LPCAT3: variants seen among roughly 807,000 people sequenced by gnomAD.
LPCAT3 encodes the protein lysophosphatidylcholine acyltransferase 3, also known as lysophospholipid acyltransferase 5.
In LPCAT3, 21 loss-of-function variants were observed where a neutral mutation model predicts 63.4. The ratio of observed to expected loss-of-function variants is 0.33; its 90% CI spans 0.23 to 0.48. LPCAT3 has a LOEUF of 0.48. LPCAT3 is among the 20% of genes least tolerant of loss of function. LPCAT3 has a pLI of 0.99. For synonymous variants in LPCAT3, 242 were observed against 227.5 expected, an observed-to-expected ratio of 1.06 and a Z score of -0.58; for missense variants, 451 against 590.6, an observed-to-expected ratio of 0.76 and a Z score of 2.45.
chr12:6,976,909 T>G lies in LPCAT3; in HGVS notation c.*13-18A>C. 2.1e-6 allele frequency: 1 copy of G among 474,982 alleles called. No homozygotes were observed. The highest frequency in any genetic ancestry group is 3.9e-6 in the Non-Finnish European group (1 of 259,036). The allele number at this position is 474,982 out of a possible 1,614,324, so 29.4% of individuals were successfully genotyped here. A position where few individuals can be genotyped will look rare whatever the true frequency, so the allele number is the denominator to read the frequency against. ...CAGGCCACCTGCAAGACAAGAGGAG[T>G]TTGGAAGGCTGGTTAGTTACTCCTG... On this transcript the variant is annotated intron_variant, in intron 12 of 12. Coordinates refer to ENST00000261407, the MANE Select transcript of LPCAT3 (RefSeq NM_005768.6).
intron 6 of LPCAT3, 124 bp from the exon 7 acceptor site, chr12:6,979,703 G>A (rs1240976403): frequency 7.4e-6 from 5 of 675,004 alleles, no homozygotes; most frequent in Non-Finnish European, 1.3e-5. Context: ...GGGATGAGAA[G>A]CTCTGCTGCC....
intron 1 of LPCAT3, among the ~76,000 whole-genome samples, chr12:7,009,436 T>C (rs1476761367): frequency 3.3e-5 from 5 of 152,188 alleles, no homozygotes; most frequent in African/African-American, 1.2e-4. Context: ...GCTAAATTAG[T>C]AATCCTCAAA....
chr12:7,013,039 T>G (rs1946774714), intron 1 of LPCAT3, among the ~76,000 whole-genome samples: 1 of 152,226 alleles, frequency 6.6e-6, no homozygotes, highest in Non-Finnish European at 1.5e-5. Flanking sequence ...GTTTCTGTCC[T>G]CATCTACAAA....
intron 1 of LPCAT3, among the ~76,000 whole-genome samples, chr12:6,998,129 C>T (rs996410927): frequency 6.2e-4 from 94 of 152,352 alleles, no homozygotes; most frequent in African/African-American, 1.9e-3. Context: ...GATCTTCCGA[C>T]CTCAGACCCC....
chr12:7,006,952 C>T (rs1308458706), intron 1 of LPCAT3, among the ~76,000 whole-genome samples: 1 of 152,174 alleles, frequency 6.6e-6, no homozygotes, highest in Non-Finnish European at 1.5e-5. Flanking sequence ...AAAGCATATA[C>T]AAATATATAG....
intron 9 of LPCAT3, 70 bp downstream of exon 9, chr12:6,978,271 C>A: frequency 1.3e-6 from 2 of 1,534,386 alleles, no homozygotes; most frequent in Non-Finnish European, 1.8e-6. Flanking sequence ...CATGGTACAC[C>A]CCTGCCCTCC....
chr12:6,992,858 A>T (rs782529899), intron 1 of LPCAT3, among the ~76,000 whole-genome samples: 95 of 152,342 alleles, frequency 6.2e-4, no homozygotes, highest in African/African-American at 2.0e-3. Flanking sequence ...AATATGGTGT[A>T]GTATTGCATG....
At chr12:7,007,784 T>C (rs781972873) in intron 1 of LPCAT3, among the ~76,000 whole-genome samples, 3 of 152,150 alleles carry the variant, frequency 2.0e-5, no homozygotes, top group African/African-American at 7.2e-5. Flanking sequence ...CATGAGCCAC[T>C]GTGCCCGGCC....
At chr12:6,999,648 G>A (rs1458829112) in intron 1 of LPCAT3, among the ~76,000 whole-genome samples, 1 of 152,210 alleles carries the variant, frequency 6.6e-6, no homozygotes, top group Non-Finnish European at 1.5e-5. Context: ...TAGACAGAGA[G>A]AATGTTAAAG....
At chr12:6,978,080 T>C in intron 9 of LPCAT3, 1 of 563,988 alleles carries the variant, frequency 1.8e-6, no homozygotes, top group East Asian at 3.0e-5. Context: ...AACAGGGCAG[T>C]GGAGGACATA....
intron 1 of LPCAT3, among the ~76,000 whole-genome samples, chr12:6,985,392 T>C (rs1946513311): frequency 6.6e-6 from 1 of 150,902 alleles, no homozygotes; most frequent in Non-Finnish European, 1.5e-5. Flanking sequence ...CGAGATTCCG[T>C]CTCAAAAAAC....
chr12:6,999,235 G>A (rs902986913), intron 1 of LPCAT3, among the ~76,000 whole-genome samples: 1 of 152,162 alleles, frequency 6.6e-6, no homozygotes, highest in African/African-American at 2.4e-5. Flanking sequence ...GCACCCTTCA[G>A]CAGTTCATTT....
At chr12:7,013,942 CA>C (rs147390776) in intron 1 of LPCAT3, among the ~76,000 whole-genome samples, 6,684 of 152,314 alleles carry the variant, frequency 0.044, 237 homozygotes, top group African/African-American at 0.097. Flanking sequence ...CTTTAACCTA[CA>C]GTTCCAGCCT....
intron 1 of LPCAT3, among the ~76,000 whole-genome samples, chr12:6,984,554 G>A (rs1041706307): frequency 6.6e-6 from 1 of 152,142 alleles, no homozygotes; most frequent in African/African-American, 2.4e-5. Context: ...TCTTGAGTTG[G>A]TCATGGTTTA....
At chr12:7,008,399 A>G (rs180775479) in intron 1 of LPCAT3, among the ~76,000 whole-genome samples, 2 of 152,254 alleles carry the variant, frequency 1.3e-5, no homozygotes, top group Admixed American at 6.5e-5. Context: ...GAGAAGAAGG[A>G]TGGTTTGCTT....
Position 6,982,730 on chromosome 12 carries a change from A to G in LPCAT3, c.312T>C (p.Leu104=). The change falls in exon 3 of 13, where the codon CTT becomes CTC. Residue 104 remains leucine (L), a synonymous_variant. Coordinates refer to ENST00000261407, the MANE Select transcript of LPCAT3 (RefSeq NM_005768.6). ...LLCIVLQFLI[L]RLMGRTITAV... Reference sequence around the variant, plus strand: ...CAGTGATGGTGCGGCCCATTAGTCGAAGGATGAGGAACTGAAGCACAATAC... The same window carrying G: ...CAGTGATGGTGCGGCCCATTAGTCGGAGGATGAGGAACTGAAGCACAATAC... The G allele has an allele frequency of 6.2e-7, 1 of 1,614,130 alleles. No homozygotes were observed. Among genetic ancestry groups the G allele is most frequent in the Non-Finnish European group, 8.5e-7 (1 of 1,179,978 alleles).
At chr12:6,990,655 GCTCA>G (rs1435131087) in intron 1 of LPCAT3, among the ~76,000 whole-genome samples, 1 of 151,712 alleles carries the variant, frequency 6.6e-6, no homozygotes, top group African/African-American at 2.4e-5. Context: ...GGGTGTGGTG[GCTCA>G]CTCCTGTAAT....
chr12:7,008,734 A>G (rs1946743273), intron 1 of LPCAT3, among the ~76,000 whole-genome samples: 1 of 152,078 alleles, frequency 6.6e-6, no homozygotes, highest in Non-Finnish European at 1.5e-5. Context: ...CCTGGGCAAC[A>G]AAGTGAGACT....
At chr12:6,990,039 G>A (rs950390440) in intron 1 of LPCAT3, among the ~76,000 whole-genome samples, 4 of 151,548 alleles carry the variant, frequency 2.6e-5, no homozygotes, top group African/African-American at 9.7e-5. Flanking sequence ...TGGGTGGGGT[G>A]GGTGGTGCGT....
Sources: gnomAD v4.1 joint callset for allele counts (sites outside exome capture counted in the v4.1 genomes callset) on GRCh38, gnomAD v4.1.1 for gene constraint, MANE v1.5 for transcripts, NCBI Gene and HGNC (gene_info 2026-07-23, HGNC 2026-07-21) for gene names.